The following RDX variants were observed in gnomAD, a reference collection of about 807,000 sequenced individuals.
RDX encodes radixin, also known as deafness, autosomal recessive 24.
Under a neutral mutation model 83.7 loss-of-function variants are expected in RDX, and 32 were observed. The observed-to-expected ratio is 0.38, with a 90% CI of 0.29 to 0.51. The LOEUF (loss-of-function observed/expected upper bound fraction) is 0.51, where lower values mean the gene tolerates loss of function less well. Ranked by LOEUF, RDX falls within the 20% of genes least tolerant of loss-of-function variation. The probability of loss-of-function intolerance (pLI) is 0.87; values close to 1 mark genes in which losing one functional copy is unlikely to be tolerated. For synonymous variants in RDX, 229 were observed against 222.7 expected (o/e 1.03, Z -0.25); for missense variants, 600 against 689.9 (o/e 0.87, Z 1.46).
chr11:110,179,230 C>G (rs1225156101), intron 15 of RDX, among the ~76,000 whole-genome samples: 1 of 152,182 alleles, frequency 6.6e-6, no homozygotes, highest in African/African-American at 2.4e-5. Context: ...TTGGGTGATG[C>G]TGGATAAGCT....
At chr11:110,210,532 A>C (rs969876891) in intron 14 of RDX, among the ~76,000 whole-genome samples, 16 of 151,104 alleles carry the variant, frequency 1.1e-4, no homozygotes, top group Admixed American at 8.6e-4. Flanking sequence ...CAAGACACAT[A>C]ATTGTCAGAT....
intron 15 of RDX, among the ~76,000 whole-genome samples, chr11:110,180,348 T>G (rs1862862092): frequency 6.6e-6 from 1 of 152,158 alleles, no homozygotes; most frequent in African/African-American, 2.4e-5. Context: ...GCCAAGGTTT[T>G]CCTCATTAGC....
intron 10 of RDX, among the ~76,000 whole-genome samples, chr11:110,243,720 G>GA (rs936428031): frequency 2.2e-4 from 32 of 142,358 alleles, no homozygotes; most frequent in Middle Eastern, 3.5e-3. Context: ...CTTGTCTCAG[G>GA]AAAAAAAAAA....
intron 9 of RDX, among the ~76,000 whole-genome samples, chr11:110,252,054 T>C (rs1316405743): frequency 6.6e-6 from 1 of 152,216 alleles, no homozygotes; most frequent in Non-Finnish European, 1.5e-5. Flanking sequence ...CTCTGACCTG[T>C]AAAGCAGGGA....
At chr11:110,206,973 TTTTATTTTA>T (rs1206368889) in intron 14 of RDX, among the ~76,000 whole-genome samples, 2 of 152,074 alleles carry the variant, frequency 1.3e-5, no homozygotes, top group Admixed American at 1.3e-4. Context: ...AATTATTTTA[TTTTATTTTA>T]TTTTTTTTGT....
chr11:110,259,863 A>C (rs555583757), intron 5 of RDX, among the ~76,000 whole-genome samples: 1 of 152,022 alleles, frequency 6.6e-6, no homozygotes, highest in South Asian at 2.1e-4. Flanking sequence ...TTTCTTTTTC[A>C]GAGACAACTT....
chr11:110,188,655 C>T (rs949506996), intron 15 of RDX, among the ~76,000 whole-genome samples: 7 of 152,086 alleles, frequency 4.6e-5, no homozygotes, highest in Non-Finnish European at 8.8e-5. Flanking sequence ...TAACAGGGAG[C>T]TTCTCAGCAG....
intron 14 of RDX, among the ~76,000 whole-genome samples, chr11:110,215,145 G>C (rs1863996151): frequency 6.7e-6 from 1 of 150,144 alleles, no homozygotes; most frequent in Non-Finnish European, 1.5e-5. Context: ...CGGATCACGA[G>C]GTCAGGAGAT....
At chr11:110,261,343 T>C (rs1253861575) in intron 5 of RDX, among the ~76,000 whole-genome samples, 1 of 152,226 alleles carries the variant, frequency 6.6e-6, no homozygotes, top group African/African-American at 2.4e-5. Flanking sequence ...TTTAGCTCTT[T>C]TCAAAGGGAA....
intron 2 of RDX, among the ~76,000 whole-genome samples, chr11:110,277,040 T>C (rs1319872128): frequency 6.6e-6 from 1 of 152,198 alleles, no homozygotes; most frequent in Non-Finnish European, 1.5e-5. Context: ...TCCAAAAACT[T>C]CCACATTCTG....
intron 1 of RDX, among the ~76,000 whole-genome samples, chr11:110,292,863 A>G (rs1365269556): frequency 6.6e-6 from 1 of 152,224 alleles, no homozygotes; most frequent in East Asian, 1.9e-4. Context: ...TTTTGTAAAG[A>G]GCAAGATGTG....
chr11:110,285,538 AC>A (rs1257695447), intron 1 of RDX, among the ~76,000 whole-genome samples: 2 of 151,922 alleles, frequency 1.3e-5, no homozygotes, highest in African/African-American at 4.8e-5. Flanking sequence ...ACATGGAGAA[AC>A]CCTGTCTCTA....
At chr11:110,197,027 T>A (rs1350636029) in intron 15 of RDX, among the ~76,000 whole-genome samples, 2 of 152,126 alleles carry the variant, frequency 1.3e-5, no homozygotes, top group African/African-American at 4.8e-5. Context: ...GCCTCCCGAG[T>A]AGCTGGGATC....
chr11:110,211,735 C>T (rs1203470758), intron 14 of RDX, among the ~76,000 whole-genome samples: 8 of 148,266 alleles, frequency 5.4e-5, no homozygotes, highest in East Asian at 4.0e-4. Context: ...TGAATGACTA[C>T]TGGGTACATA....
chr11:110,258,285 G>T, intron 5 of RDX, 96 bp from the exon 6 acceptor site: 1 of 772,834 alleles, frequency 1.3e-6, no homozygotes. Context: ...CTTGACTGTG[G>T]TAGTTGTCAG....
At position 110,264,871 on chromosome 11, in the gene RDX, C is replaced by A. The variant is rs1859960985; in HGVS notation, c.100G>T (p.Val34Leu). The change falls in exon 4 of 14, where the codon GTG (valine) becomes TTG (leucine). Residue 34 changes from valine to leucine, a missense_variant. By Grantham distance (32) the Val-to-Leu change is conservative. Coordinates refer to ENST00000645495, the MANE Select transcript of RDX (RefSeq NM_002906.4). ...ACCTCACGCAAACCAACTGTTTTCA[C>A]CACCTAAAACACAACAACAACAAAA... ...TTGKQLFDQVVKTVGLREVWF... is the reference protein window; with the variant it reads ...TTGKQLFDQVLKTVGLREVWF... 6.2e-7 allele frequency: 1 copy of A among 1,613,032 alleles called. No homozygotes were observed. The highest frequency in any genetic ancestry group is 1.3e-5 in the African/African-American group (1 of 75,006).
At chr11:110,293,159 T>C (rs1364183302) in intron 1 of RDX, among the ~76,000 whole-genome samples, 4 of 152,204 alleles carry the variant, frequency 2.6e-5, no homozygotes, top group Non-Finnish European at 5.9e-5. Context: ...TATAACCCTA[T>C]TTTAACAAGA....
downstream of RDX, among the ~76,000 whole-genome samples, chr11:110,227,376 C>T (rs1864469133): frequency 6.6e-6 from 1 of 151,876 alleles, no homozygotes; most frequent in African/African-American, 2.4e-5. Context: ...AAAACTAAAA[C>T]CAGTATCACT....
At chr11:110,249,246 C>T (rs1859233739) in intron 9 of RDX, among the ~76,000 whole-genome samples, 1 of 152,156 alleles carries the variant, frequency 6.6e-6, no homozygotes, top group South Asian at 2.1e-4. Flanking sequence ...TCTGAGTATG[C>T]TTTAATGTTC....
Sources: allele counts gnomAD v4.1 joint callset (sites outside exome capture counted in the v4.1 genomes callset), GRCh38; gene constraint gnomAD v4.1.1; transcripts MANE v1.5; gene names NCBI Gene and HGNC (gene_info 2026-07-23, HGNC 2026-07-21).